The following GABRG3 variants were observed in gnomAD, a reference collection of about 807,000 sequenced individuals.
The protein encoded by GABRG3 is gamma-aminobutyric acid receptor subunit gamma-3.
A neutral mutation model predicts 48.8 loss-of-function variants in GABRG3; 25 were observed. The observed-to-expected ratio is 0.51, with a 90% CI of 0.37 to 0.72. GABRG3 has a LOEUF of 0.72. GABRG3 is among the 30% of genes least tolerant of loss of function. GABRG3 has a pLI of 0.00. For synonymous variants in GABRG3, 227 were observed against 217.6 expected, an observed-to-expected ratio of 1.04 and a Z score of -0.38; for missense variants, 394 against 577.9, an observed-to-expected ratio of 0.68 and a Z score of 3.26.
At chr15:27,310,100 C>T (rs1892944627) in intron 3 of GABRG3, among the ~76,000 whole-genome samples, 2 of 152,136 alleles carry the variant, frequency 1.3e-5, no homozygotes, top group East Asian at 1.9e-4. Flanking sequence ...TATTCTACTC[C>T]CTCCCAACGA....
At chr15:27,308,692 T>C (rs1892857122) in intron 3 of GABRG3, among the ~76,000 whole-genome samples, 1 of 149,040 alleles carries the variant, frequency 6.7e-6, no homozygotes, top group Non-Finnish European at 1.5e-5. Flanking sequence ...TGTATAAACA[T>C]ATAATGTAAA....
intron 5 of GABRG3, among the ~76,000 whole-genome samples, chr15:27,346,127 A>C (rs1302927574): frequency 6.6e-6 from 1 of 151,234 alleles, no homozygotes; most frequent in Non-Finnish European, 1.5e-5. Flanking sequence ...AGAAAGAGAA[A>C]GAAAGAAAGA....
intron 3 of GABRG3, among the ~76,000 whole-genome samples, chr15:27,070,878 G>GC (rs1470408347): frequency 6.6e-6 from 1 of 152,190 alleles, no homozygotes; most frequent in Non-Finnish European, 1.5e-5. Flanking sequence ...TTCAAAGGTA[G>GC]CCCCTCAGAG....
chr15:27,256,019 T>G (rs1890599872), intron 3 of GABRG3, among the ~76,000 whole-genome samples: 1 of 152,220 alleles, frequency 6.6e-6, no homozygotes, highest in Admixed American at 6.5e-5. Context: ...AAAGAGATTT[T>G]GCAAATGTGA....
chr15:27,042,088 T>A (rs954823800), intron 3 of GABRG3, among the ~76,000 whole-genome samples: 1 of 152,118 alleles, frequency 6.6e-6, no homozygotes. Context: ...GTGAACGAGG[T>A]TCTCCAAAGG....
intron 2 of GABRG3, among the ~76,000 whole-genome samples, chr15:27,009,956 C>CT (rs1345493422): frequency 2.0e-5 from 3 of 151,744 alleles, no homozygotes; most frequent in East Asian, 1.9e-4. Flanking sequence ...CTTTCTTCTT[C>CT]TTTTTTTTGA....
intron 3 of GABRG3, among the ~76,000 whole-genome samples, chr15:27,212,292 C>G (rs10519593): frequency 6.6e-6 from 1 of 152,164 alleles, no homozygotes; most frequent in African/African-American, 2.4e-5. Context: ...CCGGGTGTTT[C>G]AGCTCAATTA....
intron 3 of GABRG3, among the ~76,000 whole-genome samples, chr15:27,065,099 G>A (rs569472554): frequency 6.6e-6 from 1 of 152,284 alleles, no homozygotes; most frequent in African/African-American, 2.4e-5. Flanking sequence ...TTCCTTGGCA[G>A]CTGGTGACTA....
At chr15:27,108,368 C>T (rs938133048) in intron 3 of GABRG3, among the ~76,000 whole-genome samples, 3 of 152,072 alleles carry the variant, frequency 2.0e-5, no homozygotes, top group Non-Finnish European at 4.4e-5. Flanking sequence ...ACCTATTAGT[C>T]ATTGATTTTT....
At chr15:27,212,498 A>T (rs1328044065) in intron 3 of GABRG3, among the ~76,000 whole-genome samples, 1 of 152,162 alleles carries the variant, frequency 6.6e-6, no homozygotes, top group Non-Finnish European at 1.5e-5. Context: ...TTACACTATT[A>T]TTTTTTGAGA....
chr15:27,110,052 A>G (rs1175576780), intron 3 of GABRG3, among the ~76,000 whole-genome samples: 1 of 152,204 alleles, frequency 6.6e-6, no homozygotes, highest in East Asian at 1.9e-4. Context: ...TTAGCTATAT[A>G]TCAAAAATCT....
At chr15:27,091,740 G>T (rs1471392836) in intron 3 of GABRG3, among the ~76,000 whole-genome samples, 1 of 152,170 alleles carries the variant, frequency 6.6e-6, no homozygotes, top group Non-Finnish European at 1.5e-5. Flanking sequence ...AACAAACGTG[G>T]TTCCTTGGGT....
rs989923579 is a variant in GABRG3 at position 27,078,663 on chromosome 15, A to G, written c.270+51842A>G. On this transcript the variant is annotated intron_variant, in intron 3 of 9. Transcript: ENST00000615808. ...GCCCAGGGGCTCCTCGTCTTTAAAG[A>G]GGGGATAATAAGAGTGTCTTCTTGA... Among the ~76,000 whole-genome samples the G allele has an allele frequency of 2.2e-4, 34 of 152,186 alleles. 1 individual carries two copies. The highest frequency in any genetic ancestry group is 8.2e-4 in the African/African-American group (34 of 41,452).
chr15:27,290,009 A>G (rs1456661998), intron 3 of GABRG3, among the ~76,000 whole-genome samples: 2 of 152,138 alleles, frequency 1.3e-5, no homozygotes, highest in Non-Finnish European at 2.9e-5. Flanking sequence ...GAAAGAGCTG[A>G]TTCTGTCACT....
rs1229319809 is a variant in GABRG3 at position 27,306,941 on chromosome 15, CAT to C, written c.271-19862_271-19861del. On this transcript the variant is annotated intron_variant, in intron 3 of 9. Coordinates refer to ENST00000615808, the MANE Select transcript of GABRG3 (RefSeq NM_033223.5). ...CAATATAAACATGTTTATATATAAA[CAT>C]ATATAATATAAACATGTTTATATAT... is the stretch of plus-strand genomic sequence containing the variant. Among the ~76,000 whole-genome samples, 49 of 116,564 alleles carry C rather than the reference CAT, an allele frequency of 4.2e-4. 3 individuals are homozygous for C. Among genetic ancestry groups the C allele is most frequent in the African/African-American group, 1.5e-3 (41 of 27,528 alleles). The allele number at this position is 116,564 out of a possible 152,430, so 76.5% of individuals were successfully genotyped here.
rs374940462 is a variant in GABRG3 at position 27,001,040 on chromosome 15, G to A, written c.202+23890G>A. On this transcript the variant is annotated intron_variant, in intron 2 of 9. Coordinates refer to ENST00000615808, the MANE Select transcript of GABRG3 (RefSeq NM_033223.5). ...ACACACATGCACTGGTTACCCAAGC[G>A]AGGACCTTTACAGGTCTCCATGTCA... Among the ~76,000 whole-genome samples the A allele has an allele frequency of 2.2e-4, 33 of 152,294 alleles. 1 individual carries two copies. Among genetic ancestry groups the A allele is most frequent in the African/African-American group, 7.9e-4 (33 of 41,558 alleles).
At position 27,309,490 on chromosome 15, in the gene GABRG3, A is replaced by G. The variant is rs539211765; in HGVS notation, c.271-17319A>G. On this transcript the variant is annotated intron_variant, in intron 3 of 9. Coordinates refer to ENST00000615808, the MANE Select transcript of GABRG3 (RefSeq NM_033223.5). ...ATGAACTTTGACTTAAATACCTTAA[A>G]CAAAAAACTTGGTAAAAGGCATGAA... Among the ~76,000 whole-genome samples the G allele has an allele frequency of 5.3e-5, 8 of 152,132 alleles. No individual in the cohort carries two copies. The East Asian group carries it at 7.7e-4, about 15-fold the overall frequency.
chr15:27,480,931 A>G, intron 6 of GABRG3, 144 bp downstream of exon 6: 2 of 1,423,258 alleles, frequency 1.4e-6, no homozygotes, highest in Middle Eastern at 2.0e-4. Flanking sequence ...TCAAAGTGAA[A>G]CTATGTTTTC....
chr15:27,380,621 T>C (rs1895736602), intron 5 of GABRG3, among the ~76,000 whole-genome samples: 1 of 152,112 alleles, frequency 6.6e-6, no homozygotes, highest in Non-Finnish European at 1.5e-5. Flanking sequence ...GCATCCTTGT[T>C]TGGTCTCCCC....
Sources: gnomAD v4.1 joint callset for allele counts (sites outside exome capture counted in the v4.1 genomes callset) on GRCh38, gnomAD v4.1.1 for gene constraint, MANE v1.5 for transcripts, NCBI Gene and HGNC (gene_info 2026-07-23, HGNC 2026-07-21) for gene names.